Variants in GINS3 observed in about 807,000 individuals in gnomAD.
GINS3 encodes GINS complex subunit 3, also known as DNA replication complex GINS protein PSF3.
A neutral mutation model predicts 20.0 loss-of-function variants in GINS3; 18 were observed. The observed-to-expected ratio is 0.90, with a 90% confidence interval of 0.62 to 1.33. GINS3 has a LOEUF of 1.33. Ranked by LOEUF, GINS3 falls within the 40% of genes most tolerant of loss-of-function variation. GINS3 has a pLI of 0.00. For missense variants in GINS3, 254 were observed against 273.6 expected (o/e 0.93, Z 0.51); for synonymous variants, 109 against 107.0 (o/e 1.02, Z -0.12).
At chr16:58,403,494 TACACACAC>T (rs3833044) in intron 2 of GINS3, 163 bp downstream of exon 2, 13 of 558,182 alleles carry the variant, frequency 2.3e-5, no homozygotes, top group South Asian at 1.1e-4. Context: ...TTTACATATA[TACACACAC>T]ACACACACAC....
intron 1 of GINS3, among the ~76,000 whole-genome samples, chr16:58,396,099 A>C (rs1484026806): frequency 8.5e-6 from 1 of 118,030 alleles, no homozygotes; most frequent in East Asian, 2.6e-4. Context: ...TGACTCCCCC[A>C]CCTCCCTCCC....
chr16:58,393,344 C>CT (rs1465158634), intron 1 of GINS3, among the ~76,000 whole-genome samples: 1 of 152,148 alleles, frequency 6.6e-6, no homozygotes. Context: ...GGCTGGGTCA[C>CT]TTGGCCAGGG....
chr16:58,394,787 T>C (rs556190654), intron 1 of GINS3, among the ~76,000 whole-genome samples: 1 of 152,356 alleles, frequency 6.6e-6, no homozygotes, highest in South Asian at 2.1e-4. Context: ...GTACTGTTCA[T>C]TTGAACCTTG....
chr16:58,396,924 T>C (rs1965880102), intron 1 of GINS3, among the ~76,000 whole-genome samples: 1 of 146,754 alleles, frequency 6.8e-6, no homozygotes, highest in African/African-American at 2.5e-5. Context: ...ACGGGGCGGC[T>C]GGCCGGGCAG....
rs1491521987 is a variant in GINS3 at position 58,397,800 on chromosome 16, A to AGAGAGG, written c.186+5024_186+5029dup. 3.9e-5 allele frequency among the ~76,000 whole-genome samples: 6 copies of AGAGAGG among 151,942 alleles called. No individual in the cohort carries two copies. The East Asian group carries it at 5.8e-4, about 15-fold the overall frequency. On this transcript the variant is annotated intron_variant, in intron 1 of 2. Coordinates refer to ENST00000318129, the MANE Select transcript of GINS3 (RefSeq NM_022770.4). ...TCGGCATCAGAGGGAGACCGTGGAA[A>AGAGAGG]GAGAGGGAGAGGGAGACCGTGGGGA...
intron 1 of GINS3, among the ~76,000 whole-genome samples, chr16:58,396,875 T>G: frequency 7.2e-6 from 1 of 138,028 alleles, no homozygotes; most frequent in East Asian, 2.3e-4. Flanking sequence ...ACGGGGCGGC[T>G]GGCCGGGCGG....
At chr16:58,399,423 G>T (rs1463079104) in intron 1 of GINS3, among the ~76,000 whole-genome samples, 1 of 151,528 alleles carries the variant, frequency 6.6e-6, no homozygotes, top group African/African-American at 2.4e-5. Context: ...TTTTATTATT[G>T]TCACGTCTCC....
At chr16:58,403,539 G>T (rs1596962575) in intron 2 of GINS3, 3 of 538,074 alleles carry the variant, frequency 5.6e-6, no homozygotes, top group Non-Finnish European at 9.8e-6. Context: ...AATATGACTT[G>T]TCTGCCACTC....
chr16:58,402,792 A>G (rs746929228), intron 1 of GINS3: 2 of 403,492 alleles, frequency 5.0e-6, no homozygotes, highest in Non-Finnish European at 9.0e-6. Context: ...AATGTTTACT[A>G]TAGCTCTGAA....
At chr16:58,396,920 C>T (rs1245115638) in intron 1 of GINS3, among the ~76,000 whole-genome samples, 2 of 147,782 alleles carry the variant, frequency 1.4e-5, no homozygotes, top group Non-Finnish European at 3.0e-5. Flanking sequence ...CCGGACGGGG[C>T]GGCTGGCCGG....
chr16:58,398,650 T>G (rs1965915217), intron 1 of GINS3, among the ~76,000 whole-genome samples: 1 of 152,248 alleles, frequency 6.6e-6, no homozygotes, highest in Admixed American at 6.5e-5. Context: ...TGTTTAATTT[T>G]GCGTTTTAAA....
At chr16:58,400,879 A>T (rs1252755912) in intron 1 of GINS3, among the ~76,000 whole-genome samples, 1 of 140,378 alleles carries the variant, frequency 7.1e-6, no homozygotes. Flanking sequence ...CAATGGTGTG[A>T]TCTCGGCTCA....
At chr16:58,395,481 T>C (rs2151491630) in intron 1 of GINS3, among the ~76,000 whole-genome samples, 1 of 151,766 alleles carries the variant, frequency 6.6e-6, no homozygotes, top group Non-Finnish European at 1.5e-5. Context: ...CCTGCGGCCT[T>C]CCGCAGTGTT....
intron 1 of GINS3, among the ~76,000 whole-genome samples, chr16:58,402,289 G>T (rs1965967072): frequency 1.3e-5 from 2 of 152,070 alleles, no homozygotes; most frequent in Admixed American, 1.3e-4. Flanking sequence ...CTGCTATTCG[G>T]TGTCAAATAG....
At chr16:58,404,373 ACCT>A in intron 2 of GINS3, 123 bp from the exon 3 acceptor site, 1 of 659,350 alleles carries the variant, frequency 1.5e-6, no homozygotes, top group Non-Finnish European at 2.7e-6. Context: ...GGGAATTCAG[ACCT>A]CCTTCTGAGT....
intron 1 of GINS3, chr16:58,394,975 A>G: frequency 2.5e-6 from 1 of 399,890 alleles, no homozygotes; most frequent in Non-Finnish European, 4.4e-6. Context: ...GAAGGTTTGT[A>G]TGACATTTAA....
At chr16:58,397,711 G>A (rs1407253143) in intron 1 of GINS3, among the ~76,000 whole-genome samples, 1 of 152,194 alleles carries the variant, frequency 6.6e-6, no homozygotes, top group Non-Finnish European at 1.5e-5. Context: ...GCAGGCTGAG[G>A]CAGGAGAATC....
At chr16:58,396,511 C>G (rs1316847157) in intron 1 of GINS3, among the ~76,000 whole-genome samples, 3 of 26,412 alleles carry the variant, frequency 1.1e-4, no homozygotes, top group African/African-American at 4.7e-4. Flanking sequence ...GCTGGCCGGG[C>G]GGGGGCTGAC....
chr16:58,392,697 GC>G lies in GINS3; in HGVS notation c.98del (p.Pro33ArgfsTer133). ...DDILMSHEKL[P>X]VRTETAMPRL... ...ACATCCTGATGTCCCACGAGAAGCT[GC>G]CGGTGCGCACGGAGACCGCCATGCC... On this transcript the variant is annotated frameshift_variant, in exon 1 of 3. Transcript: ENST00000318129. LOFTEE classifies it high-confidence loss of function. The G allele has an allele frequency of 6.2e-7, 1 of 1,614,230 alleles. No individual in the cohort carries two copies. The highest frequency in any genetic ancestry group is 8.5e-7 in the Non-Finnish European group (1 of 1,180,042).
Sources: gnomAD v4.1 joint callset for allele counts (sites outside exome capture counted in the v4.1 genomes callset) on GRCh38, gnomAD v4.1.1 for gene constraint, MANE v1.5 for transcripts, NCBI Gene and HGNC (gene_info 2026-07-23, HGNC 2026-07-21) for gene names.